Variants in DENND4C observed in about 807,000 individuals in gnomAD.
The protein encoded by DENND4C is DENN domain containing 4C, also known as DENN domain-containing protein 4C.
Under a neutral mutation model 203.0 loss-of-function variants are expected in DENND4C, and 108 were observed. The ratio of observed to expected loss-of-function variants is 0.53; its 90% CI spans 0.46 to 0.62. The LOEUF (loss-of-function observed/expected upper bound fraction) is 0.62. DENND4C is among the 20% of genes least tolerant of loss of function. The pLI is 0.00. For synonymous variants in DENND4C, 871 were observed against 792.4 expected, an observed-to-expected ratio of 1.10 and a Z score of -1.67; for missense variants, 2,481 against 2,301.2, an observed-to-expected ratio of 1.08 and a Z score of -1.60.
intron 24 of DENND4C, among the ~76,000 whole-genome samples, chr9:19,351,341 T>C (rs1301582062): frequency 1.3e-5 from 2 of 152,186 alleles, no homozygotes; most frequent in Non-Finnish European, 2.9e-5. Context: ...CTTCTGAGAC[T>C]GAATTTGTGA....
chr9:19,289,935 A>G (rs929514160), intron 4 of DENND4C, among the ~76,000 whole-genome samples: 4 of 152,046 alleles, frequency 2.6e-5, no homozygotes, highest in Admixed American at 6.6e-5. Context: ...AAAAGATATC[A>G]CTTAAAAAAC....
chr9:19,347,098 T>A lies in DENND4C; in HGVS notation c.4317+12T>A. ...ACTCAGATGATGAGGTAAGAAAGCTTTATGTGTGTAGTCTGTCTGCTATTG... is the reference window on the plus strand; with the variant it reads ...ACTCAGATGATGAGGTAAGAAAGCTATATGTGTGTAGTCTGTCTGCTATTG... On this transcript the variant is annotated intron_variant, in intron 23 of 32. Transcript: ENST00000434457. 1 of 1,606,198 alleles carries A rather than the reference T, an allele frequency of 6.2e-7. No homozygotes were observed. Among genetic ancestry groups the A allele is most frequent in the Non-Finnish European group, 8.5e-7 (1 of 1,174,264 alleles).
In DENND4C at chr9:19,347,077, A is replaced by G. The variant is rs1295566905; in HGVS notation, c.4308A>G (p.Ser1436=). ...CTGTTGCGTCTGCCTACAGCTACTC[A>G]GATGATGAGGTAAGAAAGCTTTATG... ...WVAVASAYSY[S]DDEEETNRDY... Residue 1436 remains serine (S), a synonymous_variant, in exon 23 of 33, where the codon TCA becomes TCG. Transcript: ENST00000434457. 1 of 1,612,592 alleles carries G rather than the reference A, an allele frequency of 6.2e-7. No individual in the cohort carries two copies.
chr9:19,364,917 A>G (rs564392211), intron 30 of DENND4C, among the ~76,000 whole-genome samples: 1 of 151,750 alleles, frequency 6.6e-6, no homozygotes, highest in South Asian at 2.1e-4. Context: ...AAACGAAAAA[A>G]AAAGAAATTT....
At chr9:19,232,731 G>T (rs913892724) in intron 1 of DENND4C, among the ~76,000 whole-genome samples, 1 of 152,174 alleles carries the variant, frequency 6.6e-6, no homozygotes, top group South Asian at 2.1e-4. Flanking sequence ...TGTGTAGGCT[G>T]TAACAATTCC....
chr9:19,263,596 G>T (rs1829864742), intron 1 of DENND4C, among the ~76,000 whole-genome samples: 1 of 150,592 alleles, frequency 6.6e-6, no homozygotes, highest in Admixed American at 6.6e-5. Context: ...GTTTGCTATT[G>T]TTTTGTTGAG....
intron 2 of DENND4C, among the ~76,000 whole-genome samples, chr9:19,283,826 C>T (rs573829643): frequency 6.6e-6 from 1 of 152,066 alleles, no homozygotes; most frequent in East Asian, 1.9e-4. Context: ...AACTCCCAAC[C>T]TCAGGTGATC....
chr9:19,300,568 A>T (rs995731595), intron 9 of DENND4C, among the ~76,000 whole-genome samples: 2 of 152,198 alleles, frequency 1.3e-5, no homozygotes, highest in Non-Finnish European at 2.9e-5. Context: ...AATTTTTCAT[A>T]TTTTTGAGTT....
chr9:19,354,957 T>A (rs1027618451), intron 26 of DENND4C, among the ~76,000 whole-genome samples: 3 of 151,086 alleles, frequency 2.0e-5, no homozygotes, highest in Admixed American at 2.0e-4. Context: ...TCACCCAGGC[T>A]GGAGTACAGT....
At chr9:19,351,069 T>C (rs532906893) in intron 24 of DENND4C, among the ~76,000 whole-genome samples, 190 bp downstream of exon 24, 1 of 152,208 alleles carries the variant, frequency 6.6e-6, no homozygotes, top group Admixed American at 6.5e-5. Context: ...GGCCTGTCTT[T>C]GCTTATTTTA....
intron 31 of DENND4C, 181 bp downstream of exon 31, chr9:19,370,168 T>C: frequency 1.3e-6 from 1 of 748,330 alleles, no homozygotes; most frequent in Non-Finnish European, 2.1e-6. Context: ...ATAATAAAAG[T>C]GTCTGGGGGC....
rs1333617915 is a variant in DENND4C at position 19,328,063 on chromosome 9, T to TG, written c.2154_2155insG (p.Phe719ValfsTer2). 1 of 1,612,852 alleles carries TG rather than the reference T, an allele frequency of 6.2e-7. No homozygotes were observed. The highest frequency in any genetic ancestry group is 1.7e-5 in the Admixed American group (1 of 59,838). On this transcript the variant is annotated frameshift_variant, in exon 16 of 33. Transcript: ENST00000434457. LOFTEE classifies it high-confidence loss of function. Reference sequence around the variant, plus strand: ...ACTTTCCAAGACTGGACCTTAAGCTTTTTGACAGACCGCAGGAGTTGAAAC... The same window carrying TG: ...ACTTTCCAAGACTGGACCTTAAGCTTGTTTGACAGACCGCAGGAGTTGAAAC...
intron 4 of DENND4C, among the ~76,000 whole-genome samples, chr9:19,290,261 C>A (rs1473887067): frequency 6.6e-6 from 1 of 152,218 alleles, no homozygotes; most frequent in Non-Finnish European, 1.5e-5. Context: ...TACACTGCTT[C>A]CCTCTTAAGA....
chr9:19,308,140 C>G (rs1457133135), intron 10 of DENND4C, among the ~76,000 whole-genome samples: 1 of 152,092 alleles, frequency 6.6e-6, no homozygotes, highest in African/African-American at 2.4e-5. Context: ...ATGTTAGGAA[C>G]AAAGCTGTTC....
chr9:19,351,695 T>C (rs1361785251), intron 24 of DENND4C, among the ~76,000 whole-genome samples: 1 of 151,292 alleles, frequency 6.6e-6, no homozygotes. Flanking sequence ...TAATCCCAGC[T>C]ACCTGGGAGG....
chr9:19,320,809 T>TA (rs1842757356), intron 12 of DENND4C, among the ~76,000 whole-genome samples: 1 of 152,246 alleles, frequency 6.6e-6, no homozygotes. Flanking sequence ...GCCTTTGACT[T>TA]ACTTGGTCTA....
At chr9:19,319,295 TATATATACAC>T (rs1481143619) in intron 12 of DENND4C, among the ~76,000 whole-genome samples, 1 of 141,956 alleles carries the variant, frequency 7.0e-6, no homozygotes, top group Non-Finnish European at 1.5e-5. Context: ...TTTGTGTGTA[TATATATACAC>T]ATATATACAC....
chr9:19,341,519 C>T (rs964541107), intron 21 of DENND4C, among the ~76,000 whole-genome samples: 13 of 151,562 alleles, frequency 8.6e-5, no homozygotes, highest in Non-Finnish European at 1.5e-4. Flanking sequence ...CATGTTGCCC[C>T]GGCTAGTCTT....
At chr9:19,298,394 A>C (rs1167966375) in intron 7 of DENND4C, among the ~76,000 whole-genome samples, 1 of 152,212 alleles carries the variant, frequency 6.6e-6, no homozygotes, top group Non-Finnish European at 1.5e-5. Context: ...AATAACATAA[A>C]ACCCAGATTA....
Sources: gnomAD v4.1 joint callset for allele counts (sites outside exome capture counted in the v4.1 genomes callset) on GRCh38, gnomAD v4.1.1 for gene constraint, MANE v1.5 for transcripts, NCBI Gene and HGNC (gene_info 2026-07-23, HGNC 2026-07-21) for gene names.